Variants in ABHD3 observed in about 807,000 individuals in gnomAD.
The protein encoded by ABHD3 is phospholipase ABHD3.
Under a neutral mutation model 48.8 loss-of-function variants are expected in ABHD3, and 46 were observed. The ratio of observed to expected loss-of-function variants is 0.94; its 90% confidence interval spans 0.74 to 1.20. The LOEUF (loss-of-function observed/expected upper bound fraction) is 1.20, where lower values mean the gene tolerates loss of function less well. Ranked by LOEUF, ABHD3 falls within the 50% of genes most tolerant of loss-of-function variation. The probability of loss-of-function intolerance (pLI) is 0.00; values close to 1 mark genes in which losing one functional copy is unlikely to be tolerated. For missense variants in ABHD3, 490 were observed against 497.8 expected (o/e 0.98, Z 0.15); for synonymous variants, 192 against 183.7 (o/e 1.04, Z -0.36).
At chr18:21,687,999 C>G (rs2040165847) in intron 3 of ABHD3, among the ~76,000 whole-genome samples, 1 of 152,154 alleles carries the variant, frequency 6.6e-6, no homozygotes, top group South Asian at 2.1e-4. Flanking sequence ...AAAACGGCCC[C>G]TAGGATGAGA....
chr18:21,664,046 T>C (rs146327149), intron 5 of ABHD3, 72 bp downstream of exon 5: 17 of 1,519,564 alleles, frequency 1.1e-5, no homozygotes, highest in East Asian at 2.3e-5. Context: ...AGCTAGCTTA[T>C]AGTCCTCTCA....
chr18:21,651,770 ACC>A lies in ABHD3; in HGVS notation c.1058-9_1058-8del, dbSNP rs1209444105. On this transcript the variant is annotated splice_polypyrimidine_tract_variant and splice_region_variant and intron_variant, in intron 8 of 8. Transcript: ENST00000289119. ...GCAGTTTCTATTGGAATAGCTTCAG[ACC>A]AAAAAAAACATGGCAATAAGAGAGA... The A allele has an allele frequency of 6.6e-7, 1 of 1,517,114 alleles. No homozygotes were observed. The highest frequency in any genetic ancestry group is 8.8e-7 in the Non-Finnish European group (1 of 1,131,612). The allele number at this position is 1,517,114 out of a possible 1,614,324, so 94.0% of individuals were successfully genotyped here.
In ABHD3 at chr18:21,675,270, T is replaced by G. The variant is rs1255627422; in HGVS notation, c.555+8650A>C. Among the ~76,000 whole-genome samples, 11 of 143,154 alleles carry G rather than the reference T, an allele frequency of 7.7e-5. No homozygotes were observed. In the East Asian group the frequency reaches 2.2e-3, roughly 29 times the overall value. 93.9% of individuals were successfully genotyped at this position (143,154 alleles called of 152,430 possible). Reference sequence around the variant, plus strand: ...TCTGTGGAATGAGGTGGGTTTTTTTTTTTTTTTTTTTTTTTTGAGACTGAG... The same window carrying G: ...TCTGTGGAATGAGGTGGGTTTTTTTGTTTTTTTTTTTTTTTTGAGACTGAG... On this transcript the variant is annotated intron_variant, in intron 4 of 8. Transcript: ENST00000289119.
At chr18:21,702,882 T>A (rs1316633772) in intron 2 of ABHD3, among the ~76,000 whole-genome samples, 1 of 152,222 alleles carries the variant, frequency 6.6e-6, no homozygotes, top group East Asian at 1.9e-4. Context: ...CTGCTCTAGC[T>A]CTTTGGACTC....
chr18:21,664,037 G>A, intron 5 of ABHD3, 81 bp downstream of exon 5: 1 of 1,486,978 alleles, frequency 6.7e-7, no homozygotes, highest in Non-Finnish European at 8.9e-7. Flanking sequence ...TGTCCATACA[G>A]CTAGCTTATA....
intron 6 of ABHD3, among the ~76,000 whole-genome samples, chr18:21,658,473 G>C (rs1378237339): frequency 6.6e-6 from 1 of 152,092 alleles, no homozygotes; most frequent in East Asian, 1.9e-4. Flanking sequence ...CAGGGAAACA[G>C]CCCATCACAC....
chr18:21,663,088 T>C (rs931077108), intron 5 of ABHD3, among the ~76,000 whole-genome samples: 3 of 152,194 alleles, frequency 2.0e-5, no homozygotes, highest in African/African-American at 7.2e-5. Context: ...ATGGAAGAAA[T>C]GTATTCTTTT....
chr18:21,688,077 G>A (rs917717321), intron 3 of ABHD3, among the ~76,000 whole-genome samples: 4 of 152,196 alleles, frequency 2.6e-5, no homozygotes, highest in African/African-American at 9.7e-5. Context: ...GGAAGTCAAG[G>A]TTGCAGTGCT....
At chr18:21,668,217 A>AAAAAAAAAAAAAAG (rs1370034550) in intron 4 of ABHD3, among the ~76,000 whole-genome samples, 2 of 137,560 alleles carry the variant, frequency 1.5e-5, no homozygotes, top group Non-Finnish European at 3.1e-5. Flanking sequence ...AAAAAAAAAA[A>AAAAAAAAAAAAAAG]AAAGAAAGAA....
chr18:21,677,960 A>G (rs1455366541), intron 4 of ABHD3, among the ~76,000 whole-genome samples: 1 of 144,896 alleles, frequency 6.9e-6, no homozygotes, highest in African/African-American at 2.6e-5. Context: ...ACCGTGCCCA[A>G]CCTATTTTTA....
chr18:21,694,406 T>C (rs901733610), intron 3 of ABHD3, among the ~76,000 whole-genome samples: 1 of 152,178 alleles, frequency 6.6e-6, no homozygotes, highest in Admixed American at 6.5e-5. Context: ...CAGTACCACA[T>C]TTAGAAGCAA....
chr18:21,690,329 C>A (rs191729482), intron 3 of ABHD3, among the ~76,000 whole-genome samples: 1 of 152,164 alleles, frequency 6.6e-6, no homozygotes, highest in African/African-American at 2.4e-5. Context: ...ATTGTGGGCA[C>A]GGTGACTCAC....
chr18:21,695,627 CTTTTAATGGCA>C (rs2040353201), intron 3 of ABHD3, among the ~76,000 whole-genome samples: 1 of 147,172 alleles, frequency 6.8e-6, no homozygotes, highest in Non-Finnish European at 1.5e-5. Flanking sequence ...TTTGCCATTA[CTTTTAATGGCA>C]AAAACCACAA....
intron 8 of ABHD3, among the ~76,000 whole-genome samples, chr18:21,654,086 A>C (rs933657517): frequency 2.0e-5 from 3 of 151,710 alleles, no homozygotes; most frequent in African/African-American, 7.3e-5. Flanking sequence ...TCCTGACTTC[A>C]GGTGATCCAC....
chr18:21,704,240 G>T (rs1432496081), intron 1 of ABHD3, among the ~76,000 whole-genome samples: 9 of 152,226 alleles, frequency 5.9e-5, no homozygotes, highest in Non-Finnish European at 1.5e-5. Flanking sequence ...CCGGCTTCGC[G>T]ATCGGTGACC....
In ABHD3 at chr18:21,651,426, C is replaced by G. The variant is rs909345310; in HGVS notation, c.*165G>C. ...TAATACTATATTTAATTTGTTGCTA[C>G]AAAGTTGTTTTGTTTCTCTAAAAAG... On this transcript the variant is annotated 3_prime_UTR_variant, in exon 9 of 9. Coordinates refer to ENST00000289119, the MANE Select transcript of ABHD3 (RefSeq NM_138340.5). 1.5e-6 allele frequency: 1 copy of G among 646,012 alleles called. No individual in the cohort carries two copies. Among genetic ancestry groups the G allele is most frequent in the Non-Finnish European group, 2.5e-6 (1 of 406,880 alleles). The allele number at this position is 646,012 out of a possible 1,614,324, so 40.0% of individuals were successfully genotyped here.
intron 6 of ABHD3, among the ~76,000 whole-genome samples, chr18:21,658,966 G>A (rs2039419090): frequency 6.6e-6 from 1 of 151,620 alleles, no homozygotes. Context: ...AGCCTCCTAA[G>A]TAGCTGGGAC....
intron 3 of ABHD3, among the ~76,000 whole-genome samples, chr18:21,692,203 G>C (rs1006736318): frequency 6.6e-6 from 1 of 152,166 alleles, no homozygotes; most frequent in Non-Finnish European, 1.5e-5. Context: ...ACCTGCCTCA[G>C]CCTCCCAAAG....
intron 4 of ABHD3, among the ~76,000 whole-genome samples, chr18:21,681,383 A>G (rs755769574): frequency 6.6e-6 from 1 of 152,040 alleles, no homozygotes; most frequent in Non-Finnish European, 1.5e-5. Context: ...ACTTCCCACA[A>G]TACGACTAAT....
Sources: allele counts gnomAD v4.1 joint callset (sites outside exome capture counted in the v4.1 genomes callset), GRCh38; gene constraint gnomAD v4.1.1; transcripts MANE v1.5; gene names NCBI Gene and HGNC (gene_info 2026-07-23, HGNC 2026-07-21).